The following PIGL variants were observed in gnomAD, a reference collection of about 807,000 sequenced individuals.
PIGL encodes phosphatidylinositol glycan anchor biosynthesis class L.
A neutral mutation model predicts 31.1 loss-of-function variants in PIGL; 22 were observed. The ratio of observed to expected loss-of-function variants is 0.71; its 90% CI spans 0.51 to 1.01. The LOEUF is 1.01. Among genes scored for constraint, PIGL ranks in the 50% least tolerant of loss-of-function variants. The pLI is 0.00. For missense variants in PIGL, 302 were observed against 315.9 expected (o/e 0.96, Z 0.33); for synonymous variants, 131 against 117.4 (o/e 1.12, Z -0.75).
intron 5 of PIGL, chr17:16,317,340 G>T (rs2093082328): frequency 1.0e-6 from 1 of 965,380 alleles, no homozygotes; most frequent in Non-Finnish European, 1.2e-6. Flanking sequence ...AGACAGGCAG[G>T]TCTCACACTA....
intron 2 of PIGL, among the ~76,000 whole-genome samples, chr17:16,239,250 G>A (rs942652519): frequency 1.6e-4 from 24 of 151,428 alleles, no homozygotes; most frequent in South Asian, 4.2e-4. Context: ...TTGGGAGGCC[G>A]AGGCAGGCGG....
At chr17:16,232,096 A>G (rs538363304) in intron 1 of PIGL, among the ~76,000 whole-genome samples, 44 of 151,990 alleles carry the variant, frequency 2.9e-4, no homozygotes, top group African/African-American at 1.0e-3. Flanking sequence ...TGGCCAACAT[A>G]ATGAAATCCC....
At chr17:16,253,349 A>G (rs2092780816) in intron 2 of PIGL, among the ~76,000 whole-genome samples, 1 of 152,282 alleles carries the variant, frequency 6.6e-6, no homozygotes, top group African/African-American at 2.4e-5. Flanking sequence ...TGGGGGCCCA[A>G]TGACCTACTG....
intron 2 of PIGL, among the ~76,000 whole-genome samples, chr17:16,235,293 C>T (rs1207418188): frequency 6.6e-6 from 1 of 152,104 alleles, no homozygotes; most frequent in African/African-American, 2.4e-5. Context: ...CGACAAGGAC[C>T]ACACATTATA....
Position 16,217,333 on chromosome 17 carries a change from G to T in PIGL, c.107G>T (p.Arg36Leu). The T allele has an allele frequency of 6.2e-7, 1 of 1,614,208 alleles. No homozygotes were observed. Among genetic ancestry groups the T allele is most frequent in the Non-Finnish European group, 8.5e-7 (1 of 1,180,036 alleles). ...ERMKSREQGGRLGAESRTLLV... is the reference protein window; with the variant it reads ...ERMKSREQGGLLGAESRTLLV... ...ATGAAGAGTCGGGAGCAGGGAGGAC[G>T]GCTGGGAGCCGAAAGCCGGACCCTG... Residue 36 changes from arginine (R) to leucine (L), a missense_variant, in exon 1 of 7, where the codon CGG becomes CTG. Physicochemically the swap from Arg to Leu is moderately radical, Grantham distance 102 (BLOSUM62 -2). Transcript: ENST00000225609.
intron 2 of PIGL, among the ~76,000 whole-genome samples, chr17:16,251,818 T>C (rs143897695): frequency 2.9e-4 from 44 of 152,190 alleles, no homozygotes; most frequent in Non-Finnish European, 5.4e-4. Flanking sequence ...ATGACAGTCA[T>C]TGCTGTTGCA....
chr17:16,325,714 G>C, intron 6 of PIGL, 86 bp from the exon 7 acceptor site: 1 of 974,816 alleles, frequency 1.0e-6, no homozygotes, highest in Non-Finnish European at 1.7e-6. Flanking sequence ...TTCGAGGAAG[G>C]ATTTAAGGTG....
At chr17:16,235,414 T>C (rs1029051197) in intron 2 of PIGL, among the ~76,000 whole-genome samples, 15 of 151,958 alleles carry the variant, frequency 9.9e-5, no homozygotes, top group African/African-American at 3.4e-4. Flanking sequence ...TTTATCTGTT[T>C]GTTTCCTGTA....
intron 1 of PIGL, among the ~76,000 whole-genome samples, chr17:16,220,480 A>ATTTTTTTT (rs745948237): frequency 1.7e-5 from 1 of 57,192 alleles, no homozygotes; most frequent in African/African-American, 5.0e-5. Context: ...TTAAATTGTT[A>ATTTTTTTT]TTTTTTTTTT....
In PIGL at chr17:16,308,331, C is replaced by CA. The variant is rs146255775; in HGVS notation, c.427-5207dup. ...TGGGTGACAGGGTGAAACTCCGTCTCAAAAAAAAAGAAAATTACAAAGCTG... is the reference window on the plus strand; with the variant it reads ...TGGGTGACAGGGTGAAACTCCGTCTCAAAAAAAAAAGAAAATTACAAAGCTG... On this transcript the variant is annotated intron_variant, in intron 3 of 6. Transcript: ENST00000225609. Among the ~76,000 whole-genome samples the CA allele has an allele frequency of 1.7e-4, 25 of 149,770 alleles. No homozygotes were observed. The East Asian group carries it at 2.7e-3, about 16-fold the overall frequency.
At chr17:16,233,335 A>G (rs986103354) in intron 1 of PIGL, among the ~76,000 whole-genome samples, 2 of 152,078 alleles carry the variant, frequency 1.3e-5, no homozygotes, top group Non-Finnish European at 2.9e-5. Flanking sequence ...TACCAGAACT[A>G]TTTTTAGGGA....
chr17:16,315,700 C>CTTTTTTTTTTTTTTTTT (rs2093072545), intron 4 of PIGL, among the ~76,000 whole-genome samples: 1 of 91,164 alleles, frequency 1.1e-5, no homozygotes, highest in African/African-American at 4.3e-5. Flanking sequence ...TTCTTTCTTT[C>CTTTTTTTTTTTTTTTTT]TTTCTTTCTT....
intron 2 of PIGL, among the ~76,000 whole-genome samples, chr17:16,282,987 C>T (rs1339250766): frequency 6.7e-6 from 1 of 149,226 alleles, no homozygotes; most frequent in Non-Finnish European, 1.5e-5. Flanking sequence ...TGGCGAGACC[C>T]CATGTCTACC....
At chr17:16,283,395 G>A (rs2142797523) in intron 2 of PIGL, among the ~76,000 whole-genome samples, 1 of 152,320 alleles carries the variant, frequency 6.6e-6, no homozygotes, top group East Asian at 1.9e-4. Context: ...CTGATCCTAG[G>A]AGGTTGAGGC....
At chr17:16,238,989 C>T (rs1261654040) in intron 2 of PIGL, among the ~76,000 whole-genome samples, 7 of 148,146 alleles carry the variant, frequency 4.7e-5, no homozygotes, top group South Asian at 2.2e-4. Context: ...ATGATCCATC[C>T]GCCTTGGCCT....
intron 3 of PIGL, chr17:16,312,917 G>GC (rs1336367942): frequency 2.6e-5 from 3 of 117,056 alleles, no homozygotes; most frequent in African/African-American, 1.1e-4. Flanking sequence ...CTTGGAAAGA[G>GC]GGGAGGGGGA....
chr17:16,229,051 C>T lies in PIGL; in HGVS notation c.236-4920C>T, dbSNP rs147154654. Among the ~76,000 whole-genome samples, 205 of 152,036 alleles carry T rather than the reference C, an allele frequency of 1.3e-3. 5 individuals are homozygous for T. In the East Asian group the frequency reaches 0.022, roughly 17 times the overall value. On this transcript the variant is annotated intron_variant, in intron 1 of 6. Transcript: ENST00000225609. ...TTTGGGAGGCTGAAGTGGAAGGATC[C>T]CTTGAGACCAGGAGTTCAAGACCAG...
chr17:16,288,046 C>T (rs1045058356), intron 2 of PIGL, among the ~76,000 whole-genome samples: 1 of 152,208 alleles, frequency 6.6e-6, no homozygotes, highest in African/African-American at 2.4e-5. Flanking sequence ...CAGTACATAA[C>T]AGTGCCCCTT....
In PIGL at chr17:16,324,958, CAG is replaced by C. The variant is rs1271689315; in HGVS notation, c.661-839_661-838del. On this transcript the variant is annotated intron_variant, in intron 6 of 6. Transcript: ENST00000225609. ...TTGGACCTCCCCAAACGACCTAACT[CAG>C]AGGAATTTGGGCATAGTGTACTAGC... Among the ~76,000 whole-genome samples, 6 of 152,230 alleles carry C rather than the reference CAG, an allele frequency of 3.9e-5. No individual in the cohort carries two copies. In the East Asian group the frequency reaches 1.2e-3, roughly 29 times the overall value.
Sources: gnomAD v4.1 joint callset for allele counts (sites outside exome capture counted in the v4.1 genomes callset) on GRCh38, gnomAD v4.1.1 for gene constraint, MANE v1.5 for transcripts, NCBI Gene and HGNC (gene_info 2026-07-23, HGNC 2026-07-21) for gene names.